The following CSTB variants were observed in gnomAD, a reference collection of about 807,000 sequenced individuals.
CSTB encodes the protein cystatin B.
CSTB carries 8 observed loss-of-function variants against 7.6 expected under a neutral mutation model. That is an observed-to-expected ratio of 1.05 (90% CI 0.62 to 1.89). CSTB has a LOEUF of 1.89. CSTB is among the 40% of genes most tolerant of loss of function. The pLI is 0.00. For missense variants in CSTB, 124 were observed against 126.4 expected (o/e 0.98, Z 0.09); for synonymous variants, 56 against 55.3 (o/e 1.01, Z -0.06).
In CSTB at chr21:43,774,276, G is replaced by T; in HGVS notation, c.223C>A (p.His75Asn). ...GATAAGGTCAAGGGCTTGTTTTCAT[G>T]AGGGAGAGATTGGAACACTCGCAGG... ...VHLRVFQSLP[H>N]ENKPLTLSNY... The change falls in exon 3 of 3, where the codon CAT becomes AAT. Residue 75 changes from histidine (H) to asparagine (N), a missense_variant. Transcript: ENST00000291568. 1 of 1,614,216 alleles carries T rather than the reference G, an allele frequency of 6.2e-7. No individual in the cohort carries two copies. The highest frequency in any genetic ancestry group is 1.1e-5 in the South Asian group (1 of 91,086).
intron 1 of CSTB, chr21:43,775,271 G>C (rs1026880776): frequency 4.7e-6 from 1 of 214,954 alleles, no homozygotes; most frequent in Non-Finnish European, 9.5e-6. Context: ...ACCTGTTCTT[G>C]CTTGGGGCAT....
Position 43,774,650 on chromosome 21 carries a change from C to A in CSTB, c.168+8G>T. The A allele has an allele frequency of 6.2e-7, 1 of 1,611,720 alleles. No homozygotes were observed. The highest frequency in any genetic ancestry group is 8.5e-7 in the Non-Finnish European group (1 of 1,177,830). Reference sequence around the variant, plus strand: ...TCGGGGCAGGCCCTCCTGAGGCCCACACTCTACCTTGATGAAGTAGTTTGT... The same window carrying A: ...TCGGGGCAGGCCCTCCTGAGGCCCAAACTCTACCTTGATGAAGTAGTTTGT... On this transcript the variant is annotated splice_region_variant and intron_variant, in intron 2 of 2. Coordinates refer to ENST00000291568, the MANE Select transcript of CSTB (RefSeq NM_000100.4).
In CSTB at chr21:43,774,710, T is replaced by C; in HGVS notation, c.116A>G (p.Lys39Arg). 1 of 1,614,206 alleles carries C rather than the reference T, an allele frequency of 6.2e-7. No homozygotes were observed. The highest frequency in any genetic ancestry group is 1.3e-5 in the African/African-American group (1 of 75,070). The change falls in exon 2 of 3, where the codon AAG (lysine) becomes AGG (arginine). Residue 39 changes from lysine to arginine, a missense_variant. Transcript: ENST00000291568. ...EKENKKFPVF[K>R]AVSFKSQVVA... Reference sequence around the variant, plus strand: ...CACCTGGCTCTTGAATGACACGGCCTTAAACACAGGGAACTTCTTGTTTTC... The same window carrying C: ...CACCTGGCTCTTGAATGACACGGCCCTAAACACAGGGAACTTCTTGTTTTC...
intron 2 of CSTB, 124 bp from the exon 3 acceptor site, chr21:43,774,454 A>G: frequency 2.0e-6 from 3 of 1,474,068 alleles, no homozygotes; most frequent in Non-Finnish European, 2.8e-6. Flanking sequence ...GATGCCTCAC[A>G]TCCCACACTT....
intron 2 of CSTB, 135 bp from the exon 3 acceptor site, chr21:43,774,465 G>C: frequency 7.1e-7 from 1 of 1,418,396 alleles, no homozygotes; most frequent in Non-Finnish European, 9.9e-7. Flanking sequence ...TCCCACACTT[G>C]TTTCCTTGGG....
chr21:43,775,632 C>T (rs1245453867), intron 1 of CSTB: 2 of 152,460 alleles, frequency 1.3e-5, no homozygotes, highest in Admixed American at 6.5e-5. Context: ...TGCACTCTCT[C>T]TCATGATTTT....
At chr21:43,775,699 G>C (rs940815773) in intron 1 of CSTB, 1 of 153,340 alleles carries the variant, frequency 6.5e-6, no homozygotes, top group African/African-American at 2.4e-5. Flanking sequence ...AACTGTAGTC[G>C]GGCTCCTGAA....
intron 1 of CSTB, chr21:43,775,444 G>A (rs936633799): frequency 6.5e-6 from 1 of 153,714 alleles, no homozygotes; most frequent in Non-Finnish European, 1.4e-5. Context: ...GAGACACAGG[G>A]AAGGTTGCCA....
In CSTB at chr21:43,774,114, C is replaced by T; in HGVS notation, c.*88G>A. 3 of 1,581,284 alleles carry T rather than the reference C, an allele frequency of 1.9e-6. No homozygotes were observed. Among genetic ancestry groups the T allele is most frequent in the African/African-American group, 1.3e-5 (1 of 74,352 alleles). Reference sequence around the variant, plus strand: ...CAAGGGGCACAGCCCGGAGATGAAGCTTATTTTAGGATCACAAGTGCACGC... The same window carrying T: ...CAAGGGGCACAGCCCGGAGATGAAGTTTATTTTAGGATCACAAGTGCACGC... On this transcript the variant is annotated 3_prime_UTR_variant, in exon 3 of 3. Coordinates refer to ENST00000291568, the MANE Select transcript of CSTB (RefSeq NM_000100.4).
chr21:43,774,739 C>T lies in CSTB; in HGVS notation c.87G>A (p.Glu29=). Residue 29 remains glutamate (E), a synonymous_variant, in exon 2 of 3, where the codon GAG becomes GAA. Transcript: ENST00000291568. ...ACACAGGGAACTTCTTGTTTTCTTT[C>T]TCTTCAAGCTGGGACCTCACCTAGA... The part of the protein sequence containing the change: ...IADQVRSQLE[E]KENKKFPVFK... 6.2e-7 allele frequency: 1 copy of T among 1,614,134 alleles called. No homozygotes were observed. The highest frequency in any genetic ancestry group is 2.2e-5 in the East Asian group (1 of 44,890).
In CSTB at chr21:43,774,388, T is replaced by G; in HGVS notation, c.169-58A>C. ...ATCCCAAGTCACCTTGCTGCGCCCCTCCAGGTCATTAGCAGCCAGCTGAAG... is the reference window on the plus strand; with the variant it reads ...ATCCCAAGTCACCTTGCTGCGCCCCGCCAGGTCATTAGCAGCCAGCTGAAG... On this transcript the variant is annotated intron_variant, in intron 2 of 2. Coordinates refer to ENST00000291568, the MANE Select transcript of CSTB (RefSeq NM_000100.4). 4.3e-6 allele frequency: 7 copies of G among 1,612,666 alleles called. No individual in the cohort carries two copies. The South Asian group carries it at 7.7e-5, about 18-fold the overall frequency.
In CSTB at chr21:43,774,641, T is replaced by C. The variant is rs2123386003; in HGVS notation, c.168+17A>G. 6.2e-7 allele frequency: 1 copy of C among 1,600,840 alleles called. No individual in the cohort carries two copies. The highest frequency in any genetic ancestry group is 8.6e-7 in the Non-Finnish European group (1 of 1,167,918). On this transcript the variant is annotated intron_variant, in intron 2 of 2. Coordinates refer to ENST00000291568, the MANE Select transcript of CSTB (RefSeq NM_000100.4). The stretch of plus-strand genomic sequence containing the variant: ...AGCACCCGTTCGGGGCAGGCCCTCC[T>C]GAGGCCCACACTCTACCTTGATGAA...
At position 43,774,927 on chromosome 21, in the gene CSTB, GA is replaced by G. The variant is rs201742249; in HGVS notation, c.67-169del. 1.5e-5 allele frequency: 10 copies of G among 681,604 alleles called. No homozygotes were observed. In the African/African-American group the frequency reaches 1.8e-4, roughly 12 times the overall value. 42.2% of individuals were successfully genotyped at this position (681,604 alleles called of 1,614,324 possible). On this transcript the variant is annotated intron_variant, in intron 1 of 2. Transcript: ENST00000291568. ...AAACTGTCAGCCTAATAATAAAGTAGAAAAAAACAGTTCCAGCTGGGTACGG... is the reference window on the plus strand; with the variant it reads ...AAACTGTCAGCCTAATAATAAAGTAGAAAAAACAGTTCCAGCTGGGTACGG...
chr21:43,774,682 G>A lies in CSTB; in HGVS notation c.144C>T (p.Val48=), dbSNP rs202096395. 58 of 1,614,018 alleles carry A rather than the reference G, an allele frequency of 3.6e-5. No individual in the cohort carries two copies. The highest frequency in any genetic ancestry group is 3.1e-4 in the South Asian group (28 of 91,072). ...FKAVSFKSQV[V]AGTNYFIKVH... is the part of the protein sequence containing the mutation. ...CCTTGATGAAGTAGTTTGTCCCCGC[G>A]ACCACCTGGCTCTTGAATGACACGG... is the stretch of plus-strand genomic sequence containing the variant. Residue 48 remains valine (V), a synonymous_variant, in exon 2 of 3, where the codon GTC becomes GTT. Coordinates refer to ENST00000291568, the MANE Select transcript of CSTB (RefSeq NM_000100.4).
rs1752862022 is a variant in CSTB, at chr21:43,774,005, C to T, written c.*197G>A. 2 of 646,732 alleles carry T rather than the reference C, an allele frequency of 3.1e-6. No homozygotes were observed. Among genetic ancestry groups the T allele is most frequent in the Non-Finnish European group, 5.5e-6 (2 of 362,920 alleles). 40.1% of individuals were successfully genotyped at this position (646,732 alleles called of 1,614,324 possible). A position where few individuals can be genotyped will look rare whatever the true frequency, so the allele number is the denominator to read the frequency against. Reference sequence around the variant, plus strand: ...AATATTCTGAAAGTAATTAAGATCACCTATTGGGAAGGAAAGAAATCAACA... The same window carrying T: ...AATATTCTGAAAGTAATTAAGATCATCTATTGGGAAGGAAAGAAATCAACA... On this transcript the variant is annotated 3_prime_UTR_variant, in exon 3 of 3. Coordinates refer to ENST00000291568, the MANE Select transcript of CSTB (RefSeq NM_000100.4).
At position 43,774,311 on chromosome 21, in the gene CSTB, T is replaced by A; in HGVS notation, c.188A>T (p.Asp63Val). Residue 63 changes from aspartate to valine, a missense_variant, in exon 3 of 3, where the codon GAC becomes GTC. By Grantham distance (152) the Asp-to-Val change is radical (BLOSUM62 -3). Coordinates refer to ENST00000291568, the MANE Select transcript of CSTB (RefSeq NM_000100.4). ...TTGGAACACTCGCAGGTGTACGAAGTCCTCGTCGCCGACGTGCACCTGGGA... is the reference window on the plus strand; with the variant it reads ...TTGGAACACTCGCAGGTGTACGAAGACCTCGTCGCCGACGTGCACCTGGGA... ...YFIKVHVGDE[D>V]FVHLRVFQSL... The A allele has an allele frequency of 6.2e-7, 1 of 1,614,162 alleles. No homozygotes were observed. Among genetic ancestry groups the A allele is most frequent in the East Asian group, 2.2e-5 (1 of 44,888 alleles).
rs897793602 is a variant in CSTB, at chr21:43,776,293, G to A, written c.-24C>T. 1.1e-5 allele frequency: 17 copies of A among 1,522,880 alleles called. No homozygotes were observed. The highest frequency in any genetic ancestry group is 4.9e-5 in the South Asian group (4 of 82,156). 94.3% of individuals were successfully genotyped at this position (1,522,880 alleles called of 1,614,324 possible). On this transcript the variant is annotated 5_prime_UTR_variant, in exon 1 of 3. Coordinates refer to ENST00000291568, the MANE Select transcript of CSTB (RefSeq NM_000100.4). Reference sequence around the variant, plus strand: ...ATCTTGGCGGCGACGGAGGGAATCTGGCGAGGGGACTCGGCGAGGGGACGC... The same window carrying A: ...ATCTTGGCGGCGACGGAGGGAATCTAGCGAGGGGACTCGGCGAGGGGACGC...
intron 1 of CSTB, 100 bp downstream of exon 1, chr21:43,776,104 G>T: frequency 8.8e-7 from 1 of 1,134,960 alleles, no homozygotes; most frequent in Non-Finnish European, 1.2e-6. Context: ...CCAGGGGTGC[G>T]CAGCGGGGCC....
chr21:43,775,561 G>A (rs958346826), intron 1 of CSTB: 5 of 152,656 alleles, frequency 3.3e-5, no homozygotes, highest in African/African-American at 1.2e-4. Context: ...AGAAACCTGT[G>A]GACCTTTTAT....
Sources: allele counts gnomAD v4.1 joint callset, GRCh38; gene constraint gnomAD v4.1.1; transcripts MANE v1.5; gene names NCBI Gene and HGNC (gene_info 2026-07-23, HGNC 2026-07-21).